The following DGKI variants were observed in gnomAD, a reference collection of about 807,000 sequenced individuals.
The protein encoded by DGKI is DAG kinase iota.
Under a neutral mutation model 147.5 loss-of-function variants are expected in DGKI, and 55 were observed. The ratio of observed to expected loss-of-function variants is 0.37; its 90% CI spans 0.30 to 0.47. The LOEUF (loss-of-function observed/expected upper bound fraction) is 0.47, where lower values mean the gene tolerates loss of function less well. Among genes scored for constraint, DGKI ranks in the 20% least tolerant of loss-of-function variants. The pLI, the probability that DGKI is intolerant of heterozygous loss-of-function variation, is 1.00. For missense variants in DGKI, 1,007 were observed against 1,323.8 expected, an observed-to-expected ratio of 0.76 and a Z score of 3.71; for synonymous variants, 469 against 477.1, an observed-to-expected ratio of 0.98 and a Z score of 0.22.
At chr7:137,635,576 A>T (rs1821280365) in intron 6 of DGKI, among the ~76,000 whole-genome samples, 1 of 152,204 alleles carries the variant, frequency 6.6e-6, no homozygotes, top group Non-Finnish European at 1.5e-5. Context: ...TATGGCATAG[A>T]GGTGCAGAAG....
chr7:137,569,466 C>T lies in DGKI; in HGVS notation c.1947+1709G>A, dbSNP rs558724706. On this transcript the variant is annotated intron_variant, in intron 19 of 32. Coordinates refer to ENST00000614521, the MANE Select transcript of DGKI (RefSeq NM_001321708.2). ...TTCCCTGGCCGGGTGCGGTGGCTCACGCCTGTAATCCCAGCACTTTGGGAG... is the reference window on the plus strand; with the variant it reads ...TTCCCTGGCCGGGTGCGGTGGCTCATGCCTGTAATCCCAGCACTTTGGGAG... Among the ~76,000 whole-genome samples, 178 of 151,956 alleles carry T rather than the reference C, an allele frequency of 1.2e-3. 1 individual carries two copies. The highest frequency in any genetic ancestry group is 1.4e-3 in the Non-Finnish European group (93 of 67,928).
At chr7:137,703,775 C>T (rs891692576) in intron 1 of DGKI, among the ~76,000 whole-genome samples, 16 of 152,086 alleles carry the variant, frequency 1.1e-4, no homozygotes, top group African/African-American at 3.6e-4. Flanking sequence ...GATCTGATTT[C>T]CAGAGTTGTC....
At chr7:137,801,696 C>T (rs1480405086) in intron 1 of DGKI, among the ~76,000 whole-genome samples, 2 of 152,112 alleles carry the variant, frequency 1.3e-5, no homozygotes, top group African/African-American at 2.4e-5. Flanking sequence ...GAATGGGAAA[C>T]AAGGGAGTGT....
At chr7:137,645,652 G>A (rs1268478817) in intron 5 of DGKI, 115 bp from the exon 6 acceptor site, 14 of 904,146 alleles carry the variant, frequency 1.5e-5, no homozygotes, top group Admixed American at 5.1e-5. Context: ...CTGCAGCCTC[G>A]AACTCCTCTG....
intron 20 of DGKI, among the ~76,000 whole-genome samples, chr7:137,545,641 T>G (rs1585216965): frequency 6.6e-6 from 1 of 152,298 alleles, no homozygotes; most frequent in Middle Eastern, 3.4e-3. Flanking sequence ...AGCATGGAAT[T>G]CTATACAACC....
At chr7:137,742,411 T>C (rs1426648903) in intron 1 of DGKI, among the ~76,000 whole-genome samples, 1 of 152,112 alleles carries the variant, frequency 6.6e-6, no homozygotes, top group East Asian at 1.9e-4. Flanking sequence ...TCAAATTTGC[T>C]CTGGGCAGAA....
At chr7:137,599,393 GCA>G (rs144091863) in intron 11 of DGKI, among the ~76,000 whole-genome samples, 11 of 150,302 alleles carry the variant, frequency 7.3e-5, no homozygotes, top group Non-Finnish European at 7.4e-5. Flanking sequence ...ACAAGCGCGC[GCA>G]CACACACACA....
intron 1 of DGKI, among the ~76,000 whole-genome samples, chr7:137,788,771 T>C (rs1164762575): frequency 2.0e-5 from 3 of 152,144 alleles, no homozygotes; most frequent in South Asian, 4.1e-4. Flanking sequence ...TGCAGTCATT[T>C]CTATGCTTTC....
At chr7:137,619,768 G>A (rs1820675250) in intron 8 of DGKI, 56 bp downstream of exon 8, 1 of 1,343,934 alleles carries the variant, frequency 7.4e-7, no homozygotes, top group Non-Finnish European at 1.1e-6. Flanking sequence ...AAAGCACGAA[G>A]CAGCAGTTCA....
intron 21 of DGKI, among the ~76,000 whole-genome samples, chr7:137,501,353 T>A (rs1390074829): frequency 2.6e-5 from 4 of 152,204 alleles, no homozygotes; most frequent in African/African-American, 9.6e-5. Context: ...CTCTTCCATA[T>A]ACTGATTCCT....
chr7:137,653,341 A>T (rs538523489), intron 5 of DGKI, among the ~76,000 whole-genome samples: 1 of 152,270 alleles, frequency 6.6e-6, no homozygotes, highest in East Asian at 1.9e-4. Context: ...TATGCCTCCA[A>T]CTCTTGAACT....
intron 21 of DGKI, among the ~76,000 whole-genome samples, chr7:137,517,030 G>C (rs750797315): frequency 6.6e-6 from 1 of 151,634 alleles, no homozygotes; most frequent in Non-Finnish European, 1.5e-5. Flanking sequence ...TATCACATAA[G>C]TCTTGACATG....
At chr7:137,844,258 G>A (rs1240178929) in intron 1 of DGKI, among the ~76,000 whole-genome samples, 15 of 152,136 alleles carry the variant, frequency 9.9e-5, no homozygotes, top group Admixed American at 9.2e-4. Flanking sequence ...TGTTACCCAG[G>A]CACAAACATG....
chr7:137,656,396 A>G, intron 4 of DGKI, 70 bp downstream of exon 4: 1 of 1,539,008 alleles, frequency 6.5e-7, no homozygotes, highest in Non-Finnish European at 8.9e-7. Context: ...GGAACTGGAA[A>G]TTTACACCGG....
rs1190871120 is a variant in DGKI at position 137,381,288 on chromosome 7, ACC to A, written c.*9930_*9931del. On this transcript the variant is annotated 3_prime_UTR_variant, in exon 33 of 33. Transcript: ENST00000614521. ...ACTTCATTCTTCCCTTTCCCATCCC[ACC>A]CCCCCCCCCCCACCCACCCTCCCTC... 6 of 9,102 alleles carry A rather than the reference ACC, an allele frequency of 6.6e-4. No individual in the cohort carries two copies. The highest frequency in any genetic ancestry group is 2.6e-3 in the African/African-American group (6 of 2,292). 0.6% of individuals were successfully genotyped at this position (9,102 alleles called of 1,614,324 possible).
Position 137,485,378 on chromosome 7 carries a change from T to C in DGKI, c.2369A>G (p.Tyr790Cys). 1 of 1,608,252 alleles carries C rather than the reference T, an allele frequency of 6.2e-7. No homozygotes were observed. The highest frequency in any genetic ancestry group is 8.5e-7 in the Non-Finnish European group (1 of 1,176,692). ...SVSSGSQRVH[Y>C]QDHETSFPRA... ...GGAGAGTCAATTATTTGTTACCTGG[T>C]AATGAACTCTCTGGGAGCCAGAAGA... Residue 790 changes from tyrosine (Y) to cysteine (C), a missense_variant, in exon 23 of 33, where the codon TAC becomes TGC. By Grantham distance (194) the Tyr-to-Cys change is radical (BLOSUM62 -2). This residue lies in a region of DGKI where 385 missense variants were observed against 445.2 expected (regional missense o/e 0.86). Coordinates refer to ENST00000614521, the MANE Select transcript of DGKI (RefSeq NM_001321708.2).
chr7:137,465,811 T>C (rs1814631632), intron 26 of DGKI, 97 bp downstream of exon 26: 2 of 1,437,426 alleles, frequency 1.4e-6, no homozygotes, highest in Non-Finnish European at 1.9e-6. Context: ...CACTTCAAAA[T>C]CATTTGATGT....
chr7:137,720,391 G>C (rs1026866225), intron 1 of DGKI, among the ~76,000 whole-genome samples: 2 of 151,270 alleles, frequency 1.3e-5, no homozygotes, highest in Non-Finnish European at 1.5e-5. Flanking sequence ...CCGAGTGGCT[G>C]GGACCACAGG....
intron 30 of DGKI, among the ~76,000 whole-genome samples, chr7:137,401,336 A>T (rs1484168995): frequency 6.6e-6 from 1 of 151,798 alleles, no homozygotes; most frequent in Non-Finnish European, 1.5e-5. Context: ...ATTCAAGAGC[A>T]GCCTGGGTAA....
Sources: allele counts gnomAD v4.1 joint callset (sites outside exome capture counted in the v4.1 genomes callset), GRCh38; gene constraint gnomAD v4.1.1; regional missense constraint gnomAD v4.1.1; transcripts MANE v1.5; gene names NCBI Gene and HGNC (gene_info 2026-07-23, HGNC 2026-07-21).